The following COMMD1 variants were observed in gnomAD, a reference collection of about 807,000 sequenced individuals.
COMMD1 encodes COMM domain-containing protein 1.
Under a neutral mutation model 17.2 loss-of-function variants are expected in COMMD1, and 10 were observed. That is an observed-to-expected ratio of 0.58 (90% CI 0.36 to 0.99). COMMD1 has a LOEUF of 0.99. COMMD1 is among the 50% of genes least tolerant of loss of function. COMMD1 has a pLI of 0.01. For synonymous variants in COMMD1, 97 were observed against 91.6 expected (o/e 1.06, Z -0.34); for missense variants, 270 against 231.8 (o/e 1.17, Z -1.07).
chr2:62,126,034 TC>T (rs773253478), intron 2 of COMMD1, among the ~76,000 whole-genome samples: 1 of 152,188 alleles, frequency 6.6e-6, no homozygotes, highest in Non-Finnish European at 1.5e-5. Flanking sequence ...GGTTTTCTGT[TC>T]CTGCATTAGT....
chr2:61,922,835 T>G (rs1477542902), intron 1 of COMMD1, among the ~76,000 whole-genome samples: 1 of 152,242 alleles, frequency 6.6e-6, no homozygotes, highest in Non-Finnish European at 1.5e-5. Flanking sequence ...CACATCTGTT[T>G]GGAGGAAGAC....
intron 2 of COMMD1, among the ~76,000 whole-genome samples, chr2:62,102,295 C>A (rs910173433): frequency 2.0e-5 from 3 of 152,144 alleles, no homozygotes; most frequent in African/African-American, 7.2e-5. Context: ...TATTTTTGTA[C>A]TTTTGATATT....
chr2:62,090,988 C>T (rs571311902), intron 2 of COMMD1, among the ~76,000 whole-genome samples: 6 of 152,242 alleles, frequency 3.9e-5, no homozygotes, highest in Admixed American at 3.3e-4. Context: ...TCACATTTAC[C>T]GTCCAAAAAT....
At chr2:61,955,845 C>T (rs1671184491) in intron 1 of COMMD1, among the ~76,000 whole-genome samples, 1 of 152,068 alleles carries the variant, frequency 6.6e-6, no homozygotes, top group African/African-American at 2.4e-5. Context: ...ACCACCACGC[C>T]AGGCTAATTT....
chr2:61,979,894 C>T (rs1671910899), intron 1 of COMMD1, among the ~76,000 whole-genome samples: 2 of 118,092 alleles, frequency 1.7e-5, no homozygotes, highest in Admixed American at 8.9e-5. Flanking sequence ...GCTATCCCTC[C>T]CCCCTCCCCC....
intron 1 of COMMD1, among the ~76,000 whole-genome samples, chr2:61,955,312 T>TTCTCTCTCTCTCTC (rs70946770): frequency 1.4e-3 from 210 of 145,466 alleles, no homozygotes; most frequent in African/African-American, 4.5e-3. Flanking sequence ...CTCTCTCTCT[T>TTCTCTCTCTCTCTC]TCTCTCTCTC....
intron 1 of COMMD1, among the ~76,000 whole-genome samples, chr2:61,890,142 C>A (rs767312812): frequency 2.0e-5 from 3 of 152,132 alleles, no homozygotes; most frequent in Admixed American, 1.3e-4. Flanking sequence ...GTGACAGTTG[C>A]GTGTGGTAGG....
chr2:62,081,807 AT>A (rs543554606), intron 2 of COMMD1, among the ~76,000 whole-genome samples: 1 of 151,932 alleles, frequency 6.6e-6, no homozygotes, highest in Non-Finnish European at 1.5e-5. Context: ...TTTGTTAATG[AT>A]TTTTTTCTTC....
chr2:62,081,659 T>A (rs1671526227), intron 2 of COMMD1, among the ~76,000 whole-genome samples: 1 of 152,180 alleles, frequency 6.6e-6, no homozygotes, highest in South Asian at 2.1e-4. Flanking sequence ...CTAGATTTCC[T>A]CTTAGTAATT....
At chr2:62,104,328 C>T (rs1026686147) in intron 2 of COMMD1, among the ~76,000 whole-genome samples, 1 of 150,712 alleles carries the variant, frequency 6.6e-6, no homozygotes, top group African/African-American at 2.4e-5. Flanking sequence ...CCCATCTCTA[C>T]AAAAAGTTTA....
At chr2:61,917,282 G>A (rs536550508) in intron 1 of COMMD1, among the ~76,000 whole-genome samples, 1 of 151,768 alleles carries the variant, frequency 6.6e-6, no homozygotes, top group East Asian at 2.0e-4. Context: ...GCTTGAACCC[G>A]GGAGGCGGAG....
rs145729372 is a variant in COMMD1, at chr2:62,075,131, C to T, written c.463-60700C>T. On this transcript the variant is annotated intron_variant, in intron 2 of 2. Coordinates refer to ENST00000311832, the MANE Select transcript of COMMD1 (RefSeq NM_152516.4). ...CTCAAACCCCTGACCTCAGGTGATC[C>T]ACCCACCTCGGCCTCCCAAAGTGCC... Among the ~76,000 whole-genome samples, 167 of 152,114 alleles carry T rather than the reference C, an allele frequency of 1.1e-3. 3 individuals carry two copies. In the East Asian group the frequency reaches 0.028, roughly 25 times the overall value.
chr2:62,081,081 G>A (rs540128710), intron 2 of COMMD1, among the ~76,000 whole-genome samples: 2 of 151,786 alleles, frequency 1.3e-5, no homozygotes, highest in African/African-American at 2.4e-5. Flanking sequence ...TTGATTTTAG[G>A]ATTAGGATTT....
chr2:62,019,325 C>T (rs188727906), intron 2 of COMMD1, among the ~76,000 whole-genome samples: 79 of 151,896 alleles, frequency 5.2e-4, no homozygotes, highest in East Asian at 7.8e-4. Flanking sequence ...AGGCACCCAC[C>T]GCCACACCCA....
intron 2 of COMMD1, among the ~76,000 whole-genome samples, chr2:62,054,761 A>G (rs571714319): frequency 4.6e-5 from 7 of 152,206 alleles, no homozygotes; most frequent in African/African-American, 1.4e-4. Flanking sequence ...AGTGGGTACA[A>G]TTTACCTTAT....
At chr2:62,075,233 A>G (rs561551678) in intron 2 of COMMD1, among the ~76,000 whole-genome samples, 1 of 152,050 alleles carries the variant, frequency 6.6e-6, no homozygotes, top group Non-Finnish European at 1.5e-5. Flanking sequence ...GTCAGTGTTC[A>G]AAAAAACAGA....
intron 1 of COMMD1, among the ~76,000 whole-genome samples, chr2:61,978,499 TATC>T: frequency 6.6e-6 from 1 of 152,198 alleles, no homozygotes; most frequent in Middle Eastern, 3.2e-3. Context: ...TAAAAAATGG[TATC>T]ATTATCTTGA....
At chr2:62,076,187 T>C (rs1671332507) in intron 2 of COMMD1, among the ~76,000 whole-genome samples, 1 of 152,206 alleles carries the variant, frequency 6.6e-6, no homozygotes, top group African/African-American at 2.4e-5. Flanking sequence ...ATGCTTACTA[T>C]GTTCAAAACA....
intron 1 of COMMD1, among the ~76,000 whole-genome samples, chr2:61,944,443 T>A (rs1670851953): frequency 6.6e-6 from 1 of 151,530 alleles, no homozygotes. Flanking sequence ...ATAGCAAGAC[T>A]CTGTCTCAAA....
Sources: allele counts gnomAD v4.1 joint callset (sites outside exome capture counted in the v4.1 genomes callset), GRCh38; gene constraint gnomAD v4.1.1; transcripts MANE v1.5; gene names NCBI Gene and HGNC (gene_info 2026-07-23, HGNC 2026-07-21).